The following TENT2 variants were observed in gnomAD, a reference collection of about 807,000 sequenced individuals.
The protein encoded by TENT2 is terminal nucleotidyltransferase 2, also known as poly(A) RNA polymerase GLD2.
A neutral mutation model predicts 72.2 loss-of-function variants in TENT2; 44 were observed. That is an observed-to-expected ratio of 0.61 (90% CI 0.48 to 0.78). TENT2 has a LOEUF of 0.78. TENT2 is among the 30% of genes least tolerant of loss of function. The pLI is 0.00. For missense variants in TENT2, 541 were observed against 569.6 expected (o/e 0.95, Z 0.51); for synonymous variants, 212 against 192.5 (o/e 1.10, Z -0.84).
At chr5:79,656,865 T>C (rs905376612) in intron 10 of TENT2, 93 bp from the exon 11 acceptor site, 46 of 817,076 alleles carry the variant, frequency 5.6e-5, no homozygotes, top group Non-Finnish European at 7.9e-5. Context: ...CATAAACCCT[T>C]ATGGTCTTAT....
At chr5:79,678,381 A>G (rs932944904) in intron 12 of TENT2, among the ~76,000 whole-genome samples, 6 of 152,154 alleles carry the variant, frequency 3.9e-5, no homozygotes, top group African/African-American at 1.2e-4. Flanking sequence ...GTCCCAAGTG[A>G]TAGTCTTTCT....
At chr5:79,664,818 C>A (rs1806075309) in intron 11 of TENT2, among the ~76,000 whole-genome samples, 1 of 151,980 alleles carries the variant, frequency 6.6e-6, no homozygotes, top group Non-Finnish European at 1.5e-5. Context: ...TCCTTACAAC[C>A]ATCTGAGTAT....
intron 4 of TENT2, among the ~76,000 whole-genome samples, chr5:79,634,205 C>A (rs1778224875): frequency 6.6e-6 from 1 of 151,276 alleles, no homozygotes; most frequent in Non-Finnish European, 1.5e-5. Flanking sequence ...CTTCACGTGT[C>A]CTTATGGCTT....
intron 10 of TENT2, among the ~76,000 whole-genome samples, chr5:79,651,522 T>C (rs918416134): frequency 1.6e-4 from 25 of 152,120 alleles, no homozygotes; most frequent in Admixed American, 1.5e-3. Context: ...AGCAATGATA[T>C]AATCTCAGAA....
At chr5:79,617,225 C>T (rs1193004581) in intron 1 of TENT2, among the ~76,000 whole-genome samples, 1 of 151,178 alleles carries the variant, frequency 6.6e-6, no homozygotes, top group African/African-American at 2.4e-5. Flanking sequence ...CTCTTGTCAT[C>T]CTCCATATAA....
rs6878574 is a variant in TENT2 at position 79,613,703 on chromosome 5, C to T, written c.-38+628C>T. 9.5e-3 allele frequency among the ~76,000 whole-genome samples: 1,442 copies of T among 152,242 alleles called. 30 individuals are homozygous for T. Among genetic ancestry groups the T allele is most frequent in the African/African-American group, 0.033 (1,368 of 41,544 alleles). On this transcript the variant is annotated intron_variant, in intron 1 of 14. Transcript: ENST00000453514. Reference sequence around the variant, plus strand: ...GTTTATGAGTTGTTTAAGAAATGCCCATTTGGAGCCATGTGACTAGATTAT... The same window carrying T: ...GTTTATGAGTTGTTTAAGAAATGCCTATTTGGAGCCATGTGACTAGATTAT...
chr5:79,684,353 G>A (rs376459735), intron 14 of TENT2, among the ~76,000 whole-genome samples: 3 of 152,086 alleles, frequency 2.0e-5, no homozygotes, highest in Admixed American at 1.3e-4. Context: ...AATCTCCTGC[G>A]CTCAATGATC....
intron 4 of TENT2, among the ~76,000 whole-genome samples, chr5:79,633,713 G>C (rs905849408): frequency 1.4e-5 from 2 of 143,984 alleles, no homozygotes; most frequent in Admixed American, 1.4e-4. Context: ...ACTGTGCCAG[G>C]CTAAAAAGTT....
In TENT2 at chr5:79,688,179, C is replaced by CAGTCATATTTAACA. The variant is rs1460633932; in HGVS notation, c.*2908_*2921dup. ...TAACTGGTGAATAATCCCCAGCTTA[C>CAGTCATATTTAACA]AGTCATATTTAACAACTCTGTGACT... is the stretch of plus-strand genomic sequence containing the variant. On this transcript the variant is annotated 3_prime_UTR_variant, in exon 15 of 15. Transcript: ENST00000453514. Among the ~76,000 whole-genome samples, 1 of 152,216 alleles carries CAGTCATATTTAACA rather than the reference C, an allele frequency of 6.6e-6. No individual in the cohort carries two copies. The highest frequency in any genetic ancestry group is 1.9e-4 in the East Asian group (1 of 5,202).
intron 13 of TENT2, 152 bp downstream of exon 13, chr5:79,679,822 A>C (rs187768327): frequency 9.1e-6 from 4 of 438,622 alleles, no homozygotes; most frequent in Non-Finnish European, 1.5e-5. Context: ...AAAGTCATTT[A>C]AAATTTTTTA....
At chr5:79,637,250 C>T (rs1561494355) in intron 4 of TENT2, among the ~76,000 whole-genome samples, 2 of 151,964 alleles carry the variant, frequency 1.3e-5, no homozygotes, top group African/African-American at 2.4e-5. Flanking sequence ...AATTGTTGCT[C>T]AGTTTATTCT....
At chr5:79,643,799 A>G (rs1786384175) in intron 7 of TENT2, among the ~76,000 whole-genome samples, 1 of 151,544 alleles carries the variant, frequency 6.6e-6, no homozygotes, top group Non-Finnish European at 1.5e-5. Flanking sequence ...ATTCACATGA[A>G]TTTTTTTTTC....
chr5:79,626,961 C>T (rs1328011457), intron 4 of TENT2, among the ~76,000 whole-genome samples: 1 of 151,834 alleles, frequency 6.6e-6, no homozygotes, highest in Non-Finnish European at 1.5e-5. Context: ...GAAACCCCGT[C>T]TCTACTAAAA....
intron 11 of TENT2, among the ~76,000 whole-genome samples, chr5:79,662,285 G>A (rs1803622093): frequency 6.6e-6 from 1 of 152,128 alleles, no homozygotes; most frequent in Non-Finnish European, 1.5e-5. Context: ...ACCTCTCAAA[G>A]TCATCCAAAA....
intron 11 of TENT2, 44 bp from the exon 12 acceptor site, chr5:79,668,848 G>C: frequency 6.3e-7 from 1 of 1,581,142 alleles, no homozygotes; most frequent in African/African-American, 1.4e-5. Flanking sequence ...CTTAGTGTGT[G>C]TTTTAAATGG....
At chr5:79,613,996 A>G (rs1757310634) in intron 1 of TENT2, 2 of 151,736 alleles carry the variant, frequency 1.3e-5, no homozygotes, top group African/African-American at 4.8e-5. Context: ...AGTGTTCTCT[A>G]ATTTGTTGGA....
intron 6 of TENT2, among the ~76,000 whole-genome samples, chr5:79,641,498 C>T (rs6896893): frequency 0.2 from 30,375 of 149,616 alleles, 4,553 homozygotes; most frequent in African/African-American, 0.42. Context: ...GGATATGTTA[C>T]CAGGATGCAG....
chr5:79,668,939 A>G lies in TENT2; in HGVS notation c.1119A>G (p.Pro373=), dbSNP rs754255276. ...AIQLHLVHQA[P]CNVPPYLSKN... is the part of the protein sequence containing the mutation. ...AGCTGCACCTTGTACATCAAGCTCC[A>G]TGTAATGTTCCTCCTTACCTCTCAA... Residue 373 remains proline, a synonymous_variant, in exon 12 of 15, where the codon CCA becomes CCG. Transcript: ENST00000453514. 2 of 1,613,800 alleles carry G rather than the reference A, an allele frequency of 1.2e-6. No homozygotes were observed. Among genetic ancestry groups the G allele is most frequent in the Non-Finnish European group, 1.7e-6 (2 of 1,179,786 alleles).
intron 1 of TENT2, chr5:79,617,571 C>T (rs1329576921): frequency 6.6e-6 from 1 of 152,162 alleles, no homozygotes; most frequent in Non-Finnish European, 1.5e-5. Context: ...CTAATTTGAA[C>T]TGTTAGCTTC....
Sources: allele counts gnomAD v4.1 joint callset (sites outside exome capture counted in the v4.1 genomes callset), GRCh38; gene constraint gnomAD v4.1.1; transcripts MANE v1.5; gene names NCBI Gene and HGNC (gene_info 2026-07-23, HGNC 2026-07-21).